Variants in ALG12 observed in about 807,000 individuals in gnomAD.
ALG12 encodes the protein ALG12 alpha-1,6-mannosyltransferase.
In ALG12, 36 loss-of-function variants were observed where a neutral mutation model predicts 46.0. That is an observed-to-expected ratio of 0.78 (90% CI 0.60 to 1.03). ALG12 has a LOEUF of 1.03. ALG12 is among the 50% of genes least tolerant of loss of function. The pLI, the probability that ALG12 is intolerant of heterozygous loss-of-function variation, is 0.00. For synonymous variants in ALG12, 326 were observed against 291.6 expected (o/e 1.12, Z -1.20); for missense variants, 599 against 633.5 (o/e 0.95, Z 0.58).
chr22:49,886,817 G>C, the ALG12 span: 1 of 1,613,378 alleles, frequency 6.2e-7, no homozygotes, highest in African/African-American at 1.3e-5. The surrounding 1 kb of genome is among the most constrained non-coding windows in gnomAD (Gnocchi z 7.7). Context: ...TGTGATGCTG[G>C]CTCCCCGTCG....
chr22:49,866,544 G>T, the ALG12 span, among the ~76,000 whole-genome samples: 1 of 151,978 alleles, frequency 6.6e-6, no homozygotes, highest in African/African-American at 2.4e-5. Flanking sequence ...TCTCACATCA[G>T]AATTTTTCTA....
downstream of ALG12, among the ~76,000 whole-genome samples, chr22:49,898,602 C>G (rs1401303262): frequency 6.6e-6 from 1 of 151,914 alleles, no homozygotes; most frequent in Non-Finnish European, 1.5e-5. Flanking sequence ...GTTGGCCAGG[C>G]TGATCTTGAA....
chr22:49,913,562 G>A (rs2060592686), intron 2 of ALG12, 42 bp downstream of exon 2: 1 of 1,613,902 alleles, frequency 6.2e-7, no homozygotes, highest in East Asian at 2.2e-5. Flanking sequence ...CCTGCCAGCT[G>A]GTAACATGAG....
chr22:49,865,104 TTGTG>T, the ALG12 span, among the ~76,000 whole-genome samples: 2 of 152,060 alleles, frequency 1.3e-5, no homozygotes, highest in Non-Finnish European at 2.9e-5. Context: ...GATGTTGTCG[TTGTG>T]TGAACCTCAT....
At chr22:49,895,657 TAAAAA>T (rs59138053), downstream of ALG12, among the ~76,000 whole-genome samples, 1 of 125,730 alleles carries the variant, frequency 8.0e-6, no homozygotes, top group African/African-American at 2.7e-5. Context: ...ATCTCAAAAA[TAAAAA>T]AAAAAAAAAA....
chr22:49,886,887 C>T, the ALG12 span: 3 of 1,614,068 alleles, frequency 1.9e-6, no homozygotes, highest in South Asian at 1.1e-5. This position sits in a 1 kb window ranked among gnomAD's most constrained non-coding sequence, Gnocchi z 7.7. Context: ...AGAAGAAAGA[C>T]CCAAGAGAAA....
downstream of ALG12, among the ~76,000 whole-genome samples, chr22:49,898,308 C>T (rs2060491660): frequency 6.6e-6 from 1 of 152,068 alleles, no homozygotes. Flanking sequence ...ACACCTGACC[C>T]AGTTCTTTAT....
chr22:49,879,599 G>C, the ALG12 span, among the ~76,000 whole-genome samples: 4 of 140,932 alleles, frequency 2.8e-5, no homozygotes, highest in African/African-American at 5.1e-5. Context: ...GTGTCTGGGC[G>C]TGTTTCTATT....
chr22:49,862,737 T>C, the ALG12 span, among the ~76,000 whole-genome samples: 1 of 145,006 alleles, frequency 6.9e-6, no homozygotes, highest in Admixed American at 7.1e-5. Flanking sequence ...AGTCTTGCTC[T>C]GTCGCCCAGG....
chr22:49,888,437 A>G, the ALG12 span: 1 of 167,234 alleles, frequency 6.0e-6, no homozygotes, highest in African/African-American at 2.4e-5. Flanking sequence ...TCTTATTTGC[A>G]ATTTTCTAGT....
chr22:49,871,937 G>A, the ALG12 span, among the ~76,000 whole-genome samples: 15 of 151,938 alleles, frequency 9.9e-5, no homozygotes, highest in African/African-American at 3.6e-4. Context: ...GTAGAGACGA[G>A]GTTTCACCAT....
chr22:49,890,292 G>C, the ALG12 span, among the ~76,000 whole-genome samples: 12 of 152,128 alleles, frequency 7.9e-5, no homozygotes, highest in Non-Finnish European at 1.8e-4. Context: ...GGACAACAGA[G>C]CAAGATCCTC....
chr22:49,907,592 C>A, intron 7 of ALG12, 129 bp downstream of exon 7: 1 of 1,099,292 alleles, frequency 9.1e-7, no homozygotes, highest in South Asian at 1.3e-5. Context: ...GTAAGCCCCA[C>A]TCCAGCTGGG....
chr22:49,899,908 C>G (rs1601814018), downstream of ALG12, among the ~76,000 whole-genome samples: 1 of 152,108 alleles, frequency 6.6e-6, no homozygotes, highest in East Asian at 1.9e-4. Flanking sequence ...CCTGTCATCC[C>G]AGCACTTTAG....
At chr22:49,880,243 G>T in the ALG12 span, among the ~76,000 whole-genome samples, 22,251 of 152,174 alleles carry the variant, frequency 0.15, 4,416 homozygotes, top group African/African-American at 0.45. Context: ...TTCACTCTTG[G>T]TGGTGGAAAC....
At chr22:49,879,013 C>T in the ALG12 span, among the ~76,000 whole-genome samples, 6 of 148,692 alleles carry the variant, frequency 4.0e-5, no homozygotes, top group East Asian at 2.2e-4. Context: ...GGTGTGGTGG[C>T]GCGTGCCTGT....
At chr22:49,875,482 G>A in the ALG12 span, among the ~76,000 whole-genome samples, 4 of 150,402 alleles carry the variant, frequency 2.7e-5, no homozygotes, top group Non-Finnish European at 4.4e-5. Context: ...GTACAGTGGC[G>A]CCATCTTGGC....
chr22:49,896,296 T>A (rs1217411267), downstream of ALG12, among the ~76,000 whole-genome samples: 1 of 152,258 alleles, frequency 6.6e-6, no homozygotes, highest in Admixed American at 6.5e-5. Flanking sequence ...AGATGCTCTT[T>A]TTCTTCAGGA....
the ALG12 span, among the ~76,000 whole-genome samples, chr22:49,872,964 A>G: frequency 6.6e-6 from 1 of 152,060 alleles, no homozygotes; most frequent in African/African-American, 2.4e-5. Flanking sequence ...CCAAAGTGCT[A>G]GGATTACAGG....
Sources: allele counts gnomAD v4.1 joint callset (sites outside exome capture counted in the v4.1 genomes callset), GRCh38; gene constraint gnomAD v4.1.1; non-coding constraint Gnocchi (gnomAD v3.1); transcripts MANE v1.5; gene names NCBI Gene and HGNC (gene_info 2026-07-23, HGNC 2026-07-21).